Variants in BCAN observed in about 807,000 individuals in gnomAD.
BCAN encodes the protein brevican.
In BCAN, 51 loss-of-function variants were observed where a neutral mutation model predicts 92.4. That is an observed-to-expected ratio of 0.55 (90% CI 0.44 to 0.70). BCAN has a LOEUF of 0.70. Ranked by LOEUF, BCAN falls within the 30% of genes least tolerant of loss-of-function variation. The pLI, the probability that BCAN is intolerant of heterozygous loss-of-function variation, is 0.00. For synonymous variants in BCAN, 501 were observed against 505.2 expected, an observed-to-expected ratio of 0.99 and a Z score of 0.11; for missense variants, 1,140 against 1,212.1, an observed-to-expected ratio of 0.94 and a Z score of 0.88.
chr1:156,646,156 C>T lies in BCAN; in HGVS notation c.91+11C>T, dbSNP rs1307227159. 5.0e-6 allele frequency: 8 copies of T among 1,611,358 alleles called. No individual in the cohort carries two copies. In the South Asian group the frequency reaches 7.7e-5, roughly 16 times the overall value. On this transcript the variant is annotated intron_variant, in intron 2 of 13. Transcript: ENST00000329117. ...AAGGAGACAGCTCAGGTAAGCAACCCCACTTGGGGTCACCGTCTCTGTCTT... is the reference window on the plus strand; with the variant it reads ...AAGGAGACAGCTCAGGTAAGCAACCTCACTTGGGGTCACCGTCTCTGTCTT...
rs928585241 is a variant in BCAN, at chr1:156,653,234, T to G, written c.1942+342T>G. ...AGGGTCCTCATCACCTATTGCAGCC[T>G]TCAGGGCTCGGCCTATTTTCCACTA... On this transcript the variant is annotated intron_variant, in intron 8 of 13. Transcript: ENST00000329117. 9.6e-6 allele frequency: 12 copies of G among 1,249,686 alleles called. No individual in the cohort carries two copies. The Admixed American group carries it at 3.5e-4, about 36-fold the overall frequency. 77.4% of individuals were successfully genotyped at this position (1,249,686 alleles called of 1,614,324 possible).
At chr1:156,646,411 T>G in intron 2 of BCAN, 1 of 500,834 alleles carries the variant, frequency 2.0e-6, no homozygotes. Context: ...GGGAAAGGGG[T>G]GGAACTGGGA....
Position 156,647,513 on chromosome 1 carries a change from G to C in BCAN, c.472G>C (p.Val158Leu). The C allele has an allele frequency of 6.4e-7, 1 of 1,561,004 alleles. No individual in the cohort carries two copies. Among genetic ancestry groups the C allele is most frequent in the South Asian group, 1.2e-5 (1 of 82,486 alleles). Residue 158 changes from valine (V) to leucine (L), a missense_variant, in exon 4 of 14, where the codon GTC (valine) becomes CTC (leucine). Transcript: ENST00000329117. The surrounding 1 kb of genome is among the most constrained non-coding windows in gnomAD (Gnocchi z 4.8). ...DAVEVKVKGVVFLYREGSARY... is the reference protein window; with the variant it reads ...DAVEVKVKGVLFLYREGSARY... ...GGGTCCTCTCTGCCCCACAGGGGTC[G>C]TCTTTCTCTACCGAGAGGGCTCTGC...
Position 156,658,657 on chromosome 1 carries a change from G to T in BCAN, c.2552G>T (p.Arg851Leu). The T allele has an allele frequency of 6.2e-7, 1 of 1,614,178 alleles. No individual in the cohort carries two copies. The highest frequency in any genetic ancestry group is 8.5e-7 in the Non-Finnish European group (1 of 1,180,054). ...CGGTGCCGGGAAGGACTGGCCCAGC[G>T]CAATCTGCCGCTGATCCGATGCCAA... The part of the protein sequence containing the change: ...RYRCREGLAQ[R>L]NLPLIRCQEN... Residue 851 changes from arginine (R) to leucine (L), a missense_variant, in exon 13 of 14, where the codon CGC becomes CTC. Arg to Leu is a moderately radical substitution (Grantham distance 102). Around this residue, in one of 3 missense-constraint regions of BCAN, gnomAD observed 825 missense variants for 871.8 expected, o/e 0.95. Coordinates refer to ENST00000329117, the MANE Select transcript of BCAN (RefSeq NM_021948.5). This position sits in a 1 kb window ranked among gnomAD's most constrained non-coding sequence, Gnocchi z 4.4.
At chr1:156,643,633 C>CAGAGGGAGAGAG (rs1179850412) in intron 1 of BCAN, 8 of 90,902 alleles carry the variant, frequency 8.8e-5, no homozygotes, top group African/African-American at 2.7e-4. Context: ...CACACACACA[C>CAGAGGGAGAGAG]ACAGAGAGAG....
chr1:156,646,005 T>G lies in BCAN; in HGVS notation c.-8-42T>G, dbSNP rs773505658. On this transcript the variant is annotated intron_variant, in intron 1 of 13. Transcript: ENST00000329117. ...TAGGGAGCAGGGGGGAAGTCCATCC[T>G]GAAGTCTAACCCCATCTTTCCTTCT... 39 of 1,556,316 alleles carry G rather than the reference T, an allele frequency of 2.5e-5. No individual in the cohort carries two copies. The African/African-American group carries it at 3.5e-4, about 14-fold the overall frequency.
At chr1:156,648,158 C>A (rs766804606) in intron 5 of BCAN, 48 bp downstream of exon 5, 1 of 1,599,724 alleles carries the variant, frequency 6.3e-7, no homozygotes, top group South Asian at 1.1e-5. Flanking sequence ...TACTCCCATG[C>A]TGCCCATAGG....
intron 10 of BCAN, 190 bp from the exon 11 acceptor site, chr1:156,657,485 T>C: frequency 1.8e-6 from 1 of 564,490 alleles, no homozygotes. Flanking sequence ...ATATCTTCCT[T>C]ATTCTCCCAC....
intron 2 of BCAN, 35 bp from the exon 3 acceptor site, chr1:156,646,766 A>G (rs746226986): frequency 4.0e-6 from 6 of 1,514,076 alleles, no homozygotes; most frequent in Non-Finnish European, 5.3e-6. Context: ...GAGGGTCGAC[A>G]GCGTTAAGTT....
Position 156,659,334 on chromosome 1 carries a change from G to A in BCAN, c.*200G>A, listed in dbSNP as rs1679453727. Reference sequence around the variant, plus strand: ...CCCAGGCCCTCTCCCCCTACCCTGGGCACCAGATCTTCCATCAGGGCCGGA... The same window carrying A: ...CCCAGGCCCTCTCCCCCTACCCTGGACACCAGATCTTCCATCAGGGCCGGA... On this transcript the variant is annotated 3_prime_UTR_variant, in exon 14 of 14. Coordinates refer to ENST00000329117, the MANE Select transcript of BCAN (RefSeq NM_021948.5). 3.6e-6 allele frequency: 2 copies of A among 549,846 alleles called. No homozygotes were observed. Among genetic ancestry groups the A allele is most frequent in the Admixed American group, 3.5e-5 (1 of 28,232 alleles). The allele number at this position is 549,846 out of a possible 1,614,324, so 34.1% of individuals were successfully genotyped here.
intron 1 of BCAN, chr1:156,643,113 C>CTTGCATTATT (rs1678844390): frequency 6.6e-6 from 1 of 152,204 alleles, no homozygotes; most frequent in African/African-American, 2.4e-5. Flanking sequence ...GTCCAAGGGG[C>CTTGCATTATT]ACCATTATTA....
chr1:156,649,880 G>C (rs947273214), intron 6 of BCAN: 1 of 518,964 alleles, frequency 1.9e-6, no homozygotes, highest in South Asian at 1.4e-5. Context: ...GAAATGGAAG[G>C]AGCAGACACA....
At position 156,642,577 on chromosome 1, in the gene BCAN, C is replaced by A. The variant is rs1331711975; in HGVS notation, c.-9+302C>A. The A allele has an allele frequency of 6.6e-6, 1 of 152,410 alleles. No homozygotes were observed. The highest frequency in any genetic ancestry group is 1.5e-5 in the Non-Finnish European group (1 of 68,186). The allele number at this position is 152,410 out of a possible 1,614,324, so 9.4% of individuals were successfully genotyped here. A position where few individuals can be genotyped will look rare whatever the true frequency, so the allele number is the denominator to read the frequency against. ...TCCCTGCTGCGCGCTCCTGTCCCAG[C>A]GCGGCCGCCGAGATTTCCGACCTTG... On this transcript the variant is annotated intron_variant, in intron 1 of 13. Coordinates refer to ENST00000329117, the MANE Select transcript of BCAN (RefSeq NM_021948.5). This position sits in a 1 kb window ranked among gnomAD's most constrained non-coding sequence, Gnocchi z 4.2.
chr1:156,648,883 A>C lies in BCAN; in HGVS notation c.1063+22A>C, dbSNP rs772477856. 5 of 1,533,478 alleles carry C rather than the reference A, an allele frequency of 3.3e-6. No homozygotes were observed. In the African/African-American group the frequency reaches 6.9e-5, roughly 21 times the overall value. 95.0% of individuals were successfully genotyped at this position (1,533,478 alleles called of 1,614,324 possible). A position where few individuals can be genotyped will look rare whatever the true frequency, so the allele number is the denominator to read the frequency against. ...CGAGGTGAGCCCACCTCCCTGCAGA[A>C]GCTGAGACCAATCTCAGAAAGGCAG... On this transcript the variant is annotated intron_variant, in intron 6 of 13. Coordinates refer to ENST00000329117, the MANE Select transcript of BCAN (RefSeq NM_021948.5).
chr1:156,643,279 T>G (rs937304836), intron 1 of BCAN: 1 of 152,270 alleles, frequency 6.6e-6, no homozygotes, highest in Admixed American at 6.5e-5. Flanking sequence ...GAGAGGGATC[T>G]GCAACTGCTC....
At chr1:156,644,122 A>T (rs373052931) in intron 1 of BCAN, 1 of 151,780 alleles carries the variant, frequency 6.6e-6, no homozygotes, top group Admixed American at 6.6e-5. Flanking sequence ...CTGGTCAGTG[A>T]CTCCCATTTT....
Position 156,647,358 on chromosome 1 carries a change from C to T in BCAN, c.467-150C>T. The T allele has an allele frequency of 9.0e-7, 1 of 1,108,556 alleles. No homozygotes were observed. The highest frequency in any genetic ancestry group is 2.6e-5 in the East Asian group (1 of 38,296). 68.7% of individuals were successfully genotyped at this position (1,108,556 alleles called of 1,614,324 possible). On this transcript the variant is annotated intron_variant, in intron 3 of 13. Transcript: ENST00000329117. This position sits in a 1 kb window ranked among gnomAD's most constrained non-coding sequence, Gnocchi z 4.8. ...TTTCTCTCTTCAGGTGGAGGACATT[C>T]TACCCACAATCTAACTTAAGTCCCT...
intron 10 of BCAN, 108 bp downstream of exon 10, chr1:156,657,204 C>T: frequency 3.6e-6 from 5 of 1,381,402 alleles, no homozygotes; most frequent in Non-Finnish European, 4.9e-6. Flanking sequence ...TTGGTTTTCT[C>T]AAGCGTGCAT....
Position 156,658,434 on chromosome 1 carries a change from C to A in BCAN, c.2438-109C>A. Reference sequence around the variant, plus strand: ...CAAGTTACGTGGGTCCACTCGGAATCCCTGATCTTTTTTTGTCATGTTGTG... The same window carrying A: ...CAAGTTACGTGGGTCCACTCGGAATACCTGATCTTTTTTTGTCATGTTGTG... On this transcript the variant is annotated intron_variant, in intron 12 of 13. Coordinates refer to ENST00000329117, the MANE Select transcript of BCAN (RefSeq NM_021948.5). The surrounding 1 kb of genome is among the most constrained non-coding windows in gnomAD (Gnocchi z 4.4). 6.8e-7 allele frequency: 1 copy of A among 1,475,848 alleles called. No homozygotes were observed. Among genetic ancestry groups the A allele is most frequent in the South Asian group, 1.3e-5 (1 of 75,694 alleles). The allele number at this position is 1,475,848 out of a possible 1,614,324, so 91.4% of individuals were successfully genotyped here.
Sources: gnomAD v4.1 joint callset for allele counts on GRCh38, gnomAD v4.1.1 for gene constraint, gnomAD v4.1.1 regional missense constraint, Gnocchi (gnomAD v3.1) non-coding constraint, MANE v1.5 for transcripts, NCBI Gene and HGNC (gene_info 2026-07-23, HGNC 2026-07-21) for gene names.